The following ROBO1 variants were observed in gnomAD, a reference collection of about 807,000 sequenced individuals.
ROBO1 encodes the protein roundabout guidance receptor 1, also known as roundabout homolog 1.
ROBO1 carries 149 observed loss-of-function variants against 195.9 expected under a neutral mutation model. The observed-to-expected ratio is 0.76, with a 90% CI of 0.67 to 0.87. ROBO1 has a LOEUF of 0.87. ROBO1 is among the 40% of genes least tolerant of loss of function. The pLI, the probability that ROBO1 is intolerant of heterozygous loss-of-function variation, is 0.00. For missense variants in ROBO1, 1,933 were observed against 2,068.3 expected (o/e 0.93, Z 1.27); for synonymous variants, 816 against 733.2 (o/e 1.11, Z -1.82).
At chr3:79,678,570 T>A (rs1394916564) in intron 1 of ROBO1, among the ~76,000 whole-genome samples, 1 of 152,112 alleles carries the variant, frequency 6.6e-6, no homozygotes, top group African/African-American at 2.4e-5. Flanking sequence ...AATCTTCAAT[T>A]CCTCTTTTAG....
chr3:79,043,342 A>G (rs2078523609), intron 3 of ROBO1, among the ~76,000 whole-genome samples: 2 of 152,270 alleles, frequency 1.3e-5, no homozygotes, highest in South Asian at 4.1e-4. Context: ...CTTCTCAGGC[A>G]TAGAAGGCAT....
chr3:78,932,833 T>G, intron 4 of ROBO1, among the ~76,000 whole-genome samples: 1 of 152,284 alleles, frequency 6.6e-6, no homozygotes, highest in Non-Finnish European at 1.5e-5. Context: ...TTTAAAAGTG[T>G]TCTATAATTA....
intron 2 of ROBO1, among the ~76,000 whole-genome samples, chr3:79,565,718 C>T (rs942830062): frequency 9.2e-5 from 14 of 152,060 alleles, no homozygotes; most frequent in Non-Finnish European, 1.8e-4. Flanking sequence ...GAAAGCTTCA[C>T]ATAATACCAG....
At chr3:79,191,375 C>G (rs572794575) in intron 2 of ROBO1, among the ~76,000 whole-genome samples, 32 of 151,424 alleles carry the variant, frequency 2.1e-4, no homozygotes, top group African/African-American at 7.7e-4. Flanking sequence ...ACATCAAGAT[C>G]AGACAATACA....
intron 4 of ROBO1, among the ~76,000 whole-genome samples, chr3:78,815,689 C>T (rs566325732): frequency 2.6e-5 from 4 of 152,238 alleles, no homozygotes; most frequent in South Asian, 2.1e-4. Flanking sequence ...TCTCGAGGAA[C>T]CACTTTCTTT....
intron 3 of ROBO1, among the ~76,000 whole-genome samples, chr3:79,044,985 T>G (rs560503219): frequency 1.3e-5 from 2 of 152,140 alleles, no homozygotes; most frequent in African/African-American, 4.8e-5. Flanking sequence ...GGCTGAAACA[T>G]AAACAAATAT....
intron 1 of ROBO1, among the ~76,000 whole-genome samples, chr3:79,756,447 G>T (rs1319995458): frequency 6.6e-6 from 1 of 151,854 alleles, no homozygotes; most frequent in Non-Finnish European, 1.5e-5. Flanking sequence ...TACTCAGGGG[G>T]CGGAGGCAGG....
intron 5 of ROBO1, among the ~76,000 whole-genome samples, chr3:78,729,751 G>T (rs3773236): frequency 0.18 from 26,994 of 152,118 alleles, 2,941 homozygotes; most frequent in East Asian, 0.47. Context: ...GCCTTTGCTA[G>T]CTATCTTCTA....
intron 2 of ROBO1, among the ~76,000 whole-genome samples, chr3:79,349,892 A>G (rs1024929772): frequency 6.6e-6 from 1 of 152,326 alleles, no homozygotes; most frequent in African/African-American, 2.4e-5. Flanking sequence ...GGCTTTTACC[A>G]TAGATTCCTA....
chr3:79,471,697 A>T (rs116644426), intron 2 of ROBO1, among the ~76,000 whole-genome samples: 5,211 of 152,198 alleles, frequency 0.034, 201 homozygotes, highest in African/African-American at 0.098. Flanking sequence ...AATATCCATC[A>T]ATGATACACT....
At chr3:78,908,869 C>A (rs1026698328) in intron 4 of ROBO1, among the ~76,000 whole-genome samples, 9 of 151,724 alleles carry the variant, frequency 5.9e-5, no homozygotes, top group African/African-American at 1.9e-4. Context: ...CTTTGTCCAC[C>A]TTTCAATATA....
chr3:78,860,009 G>C (rs939727994), intron 4 of ROBO1, among the ~76,000 whole-genome samples: 2 of 151,870 alleles, frequency 1.3e-5, no homozygotes, highest in East Asian at 3.9e-4. Context: ...AACCCAGGAG[G>C]CGGAGCTTGC....
At chr3:79,612,714 T>C (rs1323399165) in intron 1 of ROBO1, among the ~76,000 whole-genome samples, 1 of 142,722 alleles carries the variant, frequency 7.0e-6, no homozygotes, top group African/African-American at 2.6e-5. Context: ...TTTTTAATGA[T>C]TGCCATTCTA....
At chr3:78,670,494 G>A in intron 10 of ROBO1, 193 bp from the exon 11 acceptor site, 1 of 573,024 alleles carries the variant, frequency 1.7e-6, no homozygotes, top group Non-Finnish European at 3.1e-6. Flanking sequence ...GAGACACAAT[G>A]TGCTACTTTC....
At chr3:78,980,857 T>C (rs1342841230) in intron 3 of ROBO1, among the ~76,000 whole-genome samples, 1 of 152,184 alleles carries the variant, frequency 6.6e-6, no homozygotes, top group Non-Finnish European at 1.5e-5. Flanking sequence ...TAATATTAAC[T>C]ATGAGGAAAT....
intron 4 of ROBO1, among the ~76,000 whole-genome samples, chr3:78,876,048 T>C (rs768157821): frequency 3.9e-5 from 6 of 151,914 alleles, no homozygotes; most frequent in Non-Finnish European, 8.8e-5. Context: ...ATAAGAACAG[T>C]AAAATGACTA....
At chr3:78,945,757 G>A (rs1314696601) in intron 3 of ROBO1, among the ~76,000 whole-genome samples, 1 of 152,178 alleles carries the variant, frequency 6.6e-6, no homozygotes, top group Non-Finnish European at 1.5e-5. Flanking sequence ...TGGCAAAGAA[G>A]TTAAAAGCTT....
intron 3 of ROBO1, among the ~76,000 whole-genome samples, chr3:79,112,566 C>T (rs975640726): frequency 7.2e-5 from 11 of 152,100 alleles, no homozygotes; most frequent in African/African-American, 2.4e-4. Flanking sequence ...ATTCAAATAC[C>T]TGTGATTTAC....
At chr3:79,014,790 T>C (rs528438400) in intron 3 of ROBO1, among the ~76,000 whole-genome samples, 1 of 152,300 alleles carries the variant, frequency 6.6e-6, no homozygotes, top group South Asian at 2.1e-4. Context: ...ATTTTTGTTT[T>C]TAAAATTAAA....
Sources: gnomAD v4.1 joint callset for allele counts (sites outside exome capture counted in the v4.1 genomes callset) on GRCh38, gnomAD v4.1.1 for gene constraint, MANE v1.5 for transcripts, NCBI Gene and HGNC (gene_info 2026-07-23, HGNC 2026-07-21) for gene names.